The following INVS variants were observed in gnomAD, a reference collection of about 807,000 sequenced individuals.
INVS encodes the protein inversion of embryo turning homolog.
Under a neutral mutation model 108.8 loss-of-function variants are expected in INVS, and 86 were observed. That is an observed-to-expected ratio of 0.79 (90% CI 0.66 to 0.95). The LOEUF (loss-of-function observed/expected upper bound fraction) is 0.95. INVS is among the 40% of genes least tolerant of loss of function. The probability of loss-of-function intolerance (pLI) is 0.00; values close to 1 mark genes in which losing one functional copy is unlikely to be tolerated. For missense variants in INVS, 1,169 were observed against 1,297.4 expected, an observed-to-expected ratio of 0.90 and a Z score of 1.52; for synonymous variants, 455 against 473.5, an observed-to-expected ratio of 0.96 and a Z score of 0.51.
At chr9:100,120,366 C>T (rs1440305915) in intron 2 of INVS, 1 of 152,876 alleles carries the variant, frequency 6.5e-6, no homozygotes, top group African/African-American at 2.4e-5. Flanking sequence ...CTAGCATAGA[C>T]TGCTGCATAA....
chr9:100,185,578 A>G (rs1044503958), intron 3 of INVS, among the ~76,000 whole-genome samples: 2 of 137,336 alleles, frequency 1.5e-5, no homozygotes, highest in Non-Finnish European at 3.1e-5. Context: ...TAGCTTTTAT[A>G]GTGCAAGTGG....
intron 12 of INVS, among the ~76,000 whole-genome samples, chr9:100,283,929 C>T (rs2118722438): frequency 6.6e-6 from 1 of 152,164 alleles, no homozygotes; most frequent in South Asian, 2.1e-4. Context: ...GACTGTCATT[C>T]TCGGTAGCAT....
chr9:100,237,358 G>A (rs1480298597), intron 5 of INVS, among the ~76,000 whole-genome samples: 1 of 152,088 alleles, frequency 6.6e-6, no homozygotes, highest in Non-Finnish European at 1.5e-5. Context: ...CCTTTCCAGT[G>A]GAGTGAACGG....
intron 3 of INVS, among the ~76,000 whole-genome samples, chr9:100,187,844 G>A (rs1359309832): frequency 6.6e-6 from 1 of 152,080 alleles, no homozygotes; most frequent in Non-Finnish European, 1.5e-5. Flanking sequence ...TTTCAGCAGT[G>A]TTTTATAGTT....
At chr9:100,235,295 G>A (rs1366244485) in intron 5 of INVS, among the ~76,000 whole-genome samples, 11 of 151,892 alleles carry the variant, frequency 7.2e-5, no homozygotes, top group East Asian at 5.8e-4. Context: ...AATTCAGCAC[G>A]CTGGTGGGTC....
In INVS at chr9:100,117,100, G is replaced by A. The variant is rs1827556974; in HGVS notation, c.107-9283G>A. 14 of 1,184,610 alleles carry A rather than the reference G, an allele frequency of 1.2e-5. No homozygotes were observed. The South Asian group carries it at 1.6e-4, about 13-fold the overall frequency. The allele number at this position is 1,184,610 out of a possible 1,614,324, so 73.4% of individuals were successfully genotyped here. ...GGCCTGTCACCTTGCAAGGGACGGT[G>A]TGGGGCTTGCCGATCTTGTTCCCCC... is the stretch of plus-strand genomic sequence containing the variant. On this transcript the variant is annotated intron_variant, in intron 2 of 16. Coordinates refer to ENST00000262457, the MANE Select transcript of INVS (RefSeq NM_014425.5).
chr9:100,111,220 C>G lies in INVS; in HGVS notation c.106+6593C>G, dbSNP rs572101000. Among the ~76,000 whole-genome samples, 3 of 152,296 alleles carry G rather than the reference C, an allele frequency of 2.0e-5. No homozygotes were observed. The South Asian group carries it at 6.2e-4, about 32-fold the overall frequency. ...CATTTTAGAACAAGCAAATAAGATA[C>G]AAATAGAGACTACTCTTGTTACTTG... On this transcript the variant is annotated intron_variant, in intron 2 of 16. Transcript: ENST00000262457.
chr9:100,242,148 A>C (rs1831894062), intron 6 of INVS, among the ~76,000 whole-genome samples: 1 of 152,206 alleles, frequency 6.6e-6, no homozygotes, highest in South Asian at 2.1e-4. Context: ...CCTGAATAGA[A>C]GAGAACAGTT....
intron 12 of INVS, among the ~76,000 whole-genome samples, chr9:100,276,463 T>C (rs1016718919): frequency 2.0e-5 from 3 of 152,200 alleles, no homozygotes; most frequent in Admixed American, 1.3e-4. Flanking sequence ...CCCCCTTTGA[T>C]AGCCTTTTGC....
rs1473751012 is a variant in INVS, at chr9:100,247,231, A to C, written c.1078+444A>C. ...TTACTGTGCTCTTTTCTCAGTTTTG[A>C]ATAGCATTACCACATCCTGAATCTC... is the stretch of plus-strand genomic sequence containing the variant. On this transcript the variant is annotated intron_variant, in intron 8 of 16. Transcript: ENST00000262457. Among the ~76,000 whole-genome samples the C allele has an allele frequency of 2.0e-5, 3 of 152,186 alleles. No individual in the cohort carries two copies. In the East Asian group the frequency reaches 5.8e-4, roughly 29 times the overall value.
intron 2 of INVS, among the ~76,000 whole-genome samples, chr9:100,107,238 T>C (rs560991275): frequency 7.2e-5 from 11 of 152,268 alleles, no homozygotes; most frequent in Admixed American, 5.9e-4. Flanking sequence ...CTCTCCCCAC[T>C]AGAGGAATAG....
intron 9 of INVS, 61 bp from the exon 10 acceptor site, chr9:100,252,846 C>T (rs1832281052): frequency 8.7e-7 from 1 of 1,154,036 alleles, no homozygotes; most frequent in East Asian, 2.5e-5. Context: ...TTTTCTACTC[C>T]TACTCATTTT....
intron 3 of INVS, among the ~76,000 whole-genome samples, chr9:100,152,795 A>T (rs1374418547): frequency 6.6e-6 from 1 of 152,210 alleles, no homozygotes; most frequent in East Asian, 1.9e-4. Flanking sequence ...ACATATACTC[A>T]TAGTTTATCT....
Position 100,117,038 on chromosome 9 carries a change from G to C in INVS, c.107-9345G>C. On this transcript the variant is annotated intron_variant, in intron 2 of 16. Coordinates refer to ENST00000262457, the MANE Select transcript of INVS (RefSeq NM_014425.5). Reference sequence around the variant, plus strand: ...CGCCGAGACAATGCCAGTGCCCCTGGGTGCAGGGATGAGGCACACCAGCAC... The same window carrying C: ...CGCCGAGACAATGCCAGTGCCCCTGCGTGCAGGGATGAGGCACACCAGCAC... 2.2e-6 allele frequency: 3 copies of C among 1,387,224 alleles called. 1 individual carries two copies. The South Asian group carries it at 3.6e-5, about 17-fold the overall frequency. The allele number at this position is 1,387,224 out of a possible 1,614,324, so 85.9% of individuals were successfully genotyped here.
intron 3 of INVS, among the ~76,000 whole-genome samples, chr9:100,219,881 G>GATATATATATATATATATATATATAT (rs61219577): frequency 1.1e-4 from 16 of 148,078 alleles, no homozygotes; most frequent in African/African-American, 3.9e-4. Context: ...GTCGTTTATG[G>GATATATATATATATATATATATATAT]ATATATATAT....
chr9:100,179,380 TA>T (rs1408532117), intron 3 of INVS, among the ~76,000 whole-genome samples: 2 of 151,818 alleles, frequency 1.3e-5, no homozygotes, highest in Non-Finnish European at 2.9e-5. Flanking sequence ...TGGTGTGCTG[TA>T]ATTCAGGAGA....
intron 2 of INVS, among the ~76,000 whole-genome samples, chr9:100,123,591 T>C (rs1827790976): frequency 6.6e-6 from 1 of 152,212 alleles, no homozygotes; most frequent in African/African-American, 2.4e-5. Context: ...CCAGTTTTTG[T>C]GTGGACATAT....
Position 100,240,185 on chromosome 9 carries a change from T to C in INVS, c.741T>C (p.Asn247=). ...VDVLTSYESC[N]ITSYDNLFRT... The stretch of plus-strand genomic sequence containing the variant: ...TCTTGACCTCATATGAAAGCTGCAA[T>C]ATAACGTCTTATGATAACTTATTTC... The change falls in exon 6 of 17, where the codon AAT becomes AAC. Residue 247 remains asparagine, a synonymous_variant. Coordinates refer to ENST00000262457, the MANE Select transcript of INVS (RefSeq NM_014425.5). The C allele has an allele frequency of 1.2e-6, 2 of 1,614,038 alleles. No homozygotes were observed. The highest frequency in any genetic ancestry group is 1.7e-6 in the Non-Finnish European group (2 of 1,179,966).
At chr9:100,230,324 A>G (rs1831467566) in intron 5 of INVS, among the ~76,000 whole-genome samples, 1 of 152,100 alleles carries the variant, frequency 6.6e-6, no homozygotes, top group Non-Finnish European at 1.5e-5. Flanking sequence ...AGAGGCAACA[A>G]CTGTCTTCAA....
Sources: gnomAD v4.1 joint callset for allele counts (sites outside exome capture counted in the v4.1 genomes callset) on GRCh38, gnomAD v4.1.1 for gene constraint, MANE v1.5 for transcripts, NCBI Gene and HGNC (gene_info 2026-07-23, HGNC 2026-07-21) for gene names.